The following TCEANC2 variants were observed in gnomAD, a reference collection of about 807,000 sequenced individuals.
TCEANC2 encodes the protein transcription elongation factor A N-terminal and central domain containing 2.
Under a neutral mutation model 22.8 loss-of-function variants are expected in TCEANC2, and 20 were observed. That is an observed-to-expected ratio of 0.88 (90% CI 0.62 to 1.28). The LOEUF is 1.28. Ranked by LOEUF, TCEANC2 falls within the 50% of genes most tolerant of loss-of-function variation. The pLI, the probability that TCEANC2 is intolerant of heterozygous loss-of-function variation, is 0.00. For missense variants in TCEANC2, 251 were observed against 249.7 expected (o/e 1.01, Z -0.03); for synonymous variants, 84 against 95.5 (o/e 0.88, Z 0.70).
At position 54,054,415 on chromosome 1, in the gene TCEANC2, C is replaced by T. The variant is rs867531469; in HGVS notation, c.-8C>T. ...CAAGCACGTCAAGGTAGTCGGAGTC[C>T]CCTAACAATGGATAAATTCGTCATT... On this transcript the variant is annotated 5_prime_UTR_variant, in exon 2 of 5. Transcript: ENST00000234827. 2 of 1,613,880 alleles carry T rather than the reference C, an allele frequency of 1.2e-6. No homozygotes were observed. Among genetic ancestry groups the T allele is most frequent in the Non-Finnish European group, 1.7e-6 (2 of 1,179,968 alleles).
Position 54,105,735 on chromosome 1 carries a change from T to A in TCEANC2, c.*9262T>A, listed in dbSNP as rs1444637338. Reference sequence around the variant, plus strand: ...TCTGCCTCCCGGGTTCAAGCGATTCTCCTGCCTCAGCCTCCCGAGTAGCTG... The same window carrying A: ...TCTGCCTCCCGGGTTCAAGCGATTCACCTGCCTCAGCCTCCCGAGTAGCTG... On this transcript the variant is annotated 3_prime_UTR_variant, in exon 5 of 5. Transcript: ENST00000234827. The A allele has an allele frequency of 6.6e-6, 1 of 152,170 alleles. No homozygotes were observed. The highest frequency in any genetic ancestry group is 2.4e-5 in the African/African-American group (1 of 41,352). The allele number at this position is 152,170 out of a possible 1,614,324, so 9.4% of individuals were successfully genotyped here.
Position 54,098,697 on chromosome 1 carries a change from T to C in TCEANC2, c.*2224T>C, listed in dbSNP as rs1410280756. The C allele has an allele frequency of 6.6e-6, 1 of 152,174 alleles. No homozygotes were observed. The highest frequency in any genetic ancestry group is 1.5e-5 in the Non-Finnish European group (1 of 68,056). The allele number at this position is 152,174 out of a possible 1,614,324, so 9.4% of individuals were successfully genotyped here. ...GTCTCCATAACTATTTATTGGATAG[T>C]TGAGTGACTGGTTGTGGATGTACAG... On this transcript the variant is annotated 3_prime_UTR_variant, in exon 5 of 5. Transcript: ENST00000234827.
intron 2 of TCEANC2, among the ~76,000 whole-genome samples, chr1:54,065,714 A>G (rs913668102): frequency 6.9e-6 from 1 of 145,626 alleles, no homozygotes; most frequent in Non-Finnish European, 1.5e-5. Flanking sequence ...CTCTGTCTCA[A>G]AAATATATAT....
intron 3 of TCEANC2, among the ~76,000 whole-genome samples, chr1:54,070,627 G>A (rs1191124984): frequency 6.6e-6 from 1 of 152,130 alleles, no homozygotes; most frequent in Non-Finnish European, 1.5e-5. Flanking sequence ...CTAAACCTGA[G>A]GTTGTATGGA....
intron 3 of TCEANC2, among the ~76,000 whole-genome samples, chr1:54,073,416 G>A (rs1658093162): frequency 6.6e-6 from 1 of 152,206 alleles, no homozygotes; most frequent in South Asian, 2.1e-4. Context: ...CTCAGTATGA[G>A]AGTCCCAGCT....
chr1:54,063,091 A>G (rs1657888448), intron 2 of TCEANC2, among the ~76,000 whole-genome samples: 1 of 152,232 alleles, frequency 6.6e-6, no homozygotes, highest in Non-Finnish European at 1.5e-5. Flanking sequence ...AAATAGTTCC[A>G]GGGAACATTG....
chr1:54,063,323 G>A (rs575028382), intron 2 of TCEANC2, among the ~76,000 whole-genome samples: 1 of 152,268 alleles, frequency 6.6e-6, no homozygotes, highest in Non-Finnish European at 1.5e-5. Context: ...TGGAAAAAGA[G>A]TGGACAATAA....
rs571386336 is a variant in TCEANC2, at chr1:54,054,112, G to T, written c.-42-269G>T. ...GCTCTAGCGGGGATTCCAATATTGG[G>T]CCAATTCCCCCAATGTTGGAATCCT... On this transcript the variant is annotated intron_variant, in intron 1 of 4. Transcript: ENST00000234827. 2.0e-5 allele frequency: 11 copies of T among 551,860 alleles called. No homozygotes were observed. In the South Asian group the frequency reaches 5.1e-4, roughly 25 times the overall value. The allele number at this position is 551,860 out of a possible 1,614,324, so 34.2% of individuals were successfully genotyped here. A position where few individuals can be genotyped will look rare whatever the true frequency, so the allele number is the denominator to read the frequency against.
At chr1:54,112,387 A>G (rs535830217) in exon 5 of TCEANC2, 1 of 152,322 alleles carries the variant, frequency 6.6e-6, no homozygotes, top group Non-Finnish European at 1.5e-5. Flanking sequence ...ACTGTGTAAT[A>G]ATGTGTATAA....
exon 5 of TCEANC2, chr1:54,112,057 A>G (rs1658848007): frequency 1.3e-5 from 2 of 152,170 alleles, no homozygotes; most frequent in African/African-American, 4.8e-5. Context: ...CTTAAAAATC[A>G]CTGTGGGTTG....
At chr1:54,111,362 G>A (rs1658836469) in exon 5 of TCEANC2, 1 of 152,246 alleles carries the variant, frequency 6.6e-6, no homozygotes, top group Admixed American at 6.5e-5. Flanking sequence ...CAGGCAAGTG[G>A]ATAAGGTAAA....
rs557020783 is a variant in TCEANC2 at position 54,054,403 on chromosome 1, G to A, written c.-20G>A. 10 of 1,613,864 alleles carry A rather than the reference G, an allele frequency of 6.2e-6. No homozygotes were observed. In the South Asian group the frequency reaches 9.9e-5, roughly 16 times the overall value. ...CAGAACACGCTGCAAGCACGTCAAG[G>A]TAGTCGGAGTCCCCTAACAATGGAT... is the stretch of plus-strand genomic sequence containing the variant. On this transcript the variant is annotated 5_prime_UTR_variant, in exon 2 of 5. Coordinates refer to ENST00000234827, the MANE Select transcript of TCEANC2 (RefSeq NM_153035.3).
At chr1:54,110,364 C>A (rs1000980599), downstream of TCEANC2, among the ~76,000 whole-genome samples, 1 of 152,000 alleles carries the variant, frequency 6.6e-6, no homozygotes, top group Non-Finnish European at 1.5e-5. Flanking sequence ...TTTAGGAAGC[C>A]GAGGTGGGAG....
At chr1:54,086,121 A>T (rs1479978793) in intron 3 of TCEANC2, among the ~76,000 whole-genome samples, 1 of 151,938 alleles carries the variant, frequency 6.6e-6, no homozygotes, top group Non-Finnish European at 1.5e-5. Context: ...TCTGTTATGT[A>T]TTTTAGTAGG....
intron 3 of TCEANC2, among the ~76,000 whole-genome samples, chr1:54,071,824 T>A (rs546090400): frequency 1.2e-4 from 19 of 152,250 alleles, no homozygotes; most frequent in South Asian, 6.2e-4. Context: ...TTTTATTTTT[T>A]TTTTTGAGAC....
intron 2 of TCEANC2, among the ~76,000 whole-genome samples, chr1:54,067,414 A>C (rs1657978709): frequency 6.6e-6 from 1 of 152,236 alleles, no homozygotes; most frequent in Non-Finnish European, 1.5e-5. Context: ...GGAACTCAAC[A>C]GTGGGAGCTT....
intron 4 of TCEANC2, among the ~76,000 whole-genome samples, chr1:54,095,368 A>T (rs1261307132): frequency 6.6e-6 from 1 of 152,104 alleles, no homozygotes; most frequent in Non-Finnish European, 1.5e-5. Flanking sequence ...GGTGTGTGAA[A>T]GTGGTCAAGA....
rs370266224 is a variant in TCEANC2, at chr1:54,091,056, G to C, written c.438+2266G>C. Among the ~76,000 whole-genome samples, 6 of 151,716 alleles carry C rather than the reference G, an allele frequency of 4.0e-5. No individual in the cohort carries two copies. In the East Asian group the frequency reaches 1.2e-3, roughly 29 times the overall value. ...TTTGTTAGTGTTTTCCAACATAATT[G>C]GAAAAAATATCAGATTAAGCATAGC... is the stretch of plus-strand genomic sequence containing the variant. On this transcript the variant is annotated intron_variant, in intron 4 of 4. Coordinates refer to ENST00000234827, the MANE Select transcript of TCEANC2 (RefSeq NM_153035.3).
intron 4 of TCEANC2, among the ~76,000 whole-genome samples, chr1:54,091,289 T>TC (rs542345757): frequency 6.4e-4 from 98 of 152,326 alleles, no homozygotes; most frequent in African/African-American, 2.3e-3. Context: ...ATCTGAGATA[T>TC]TTCCATATTA....
Sources: allele counts gnomAD v4.1 joint callset (sites outside exome capture counted in the v4.1 genomes callset), GRCh38; gene constraint gnomAD v4.1.1; transcripts MANE v1.5; gene names NCBI Gene and HGNC (gene_info 2026-07-23, HGNC 2026-07-21).